LYPD6: variants seen among roughly 807,000 people sequenced by gnomAD.
The protein encoded by LYPD6 is ly6/PLAUR domain-containing protein 6.
Under a neutral mutation model 22.7 loss-of-function variants are expected in LYPD6, and 15 were observed. The observed-to-expected ratio is 0.66, with a 90% confidence interval of 0.44 to 1.02. LYPD6 has a LOEUF of 1.02. LYPD6 is among the 50% of genes least tolerant of loss of function. The probability of loss-of-function intolerance (pLI) is 0.00; values close to 1 mark genes in which losing one functional copy is unlikely to be tolerated. For missense variants in LYPD6, 189 were observed against 208.4 expected (o/e 0.91, Z 0.57); for synonymous variants, 72 against 77.5 (o/e 0.93, Z 0.37).
At chr2:149,350,970 G>T (rs558499498) in intron 1 of LYPD6, among the ~76,000 whole-genome samples, 1 of 152,332 alleles carries the variant, frequency 6.6e-6, no homozygotes, top group East Asian at 1.9e-4. Flanking sequence ...CGGTATACAG[G>T]ACTTTTTGAA....
chr2:149,383,573 T>C (rs1032716796), intron 1 of LYPD6, among the ~76,000 whole-genome samples: 3 of 152,150 alleles, frequency 2.0e-5, no homozygotes, highest in Non-Finnish European at 4.4e-5. Flanking sequence ...GAAACAGTAC[T>C]TGGAAATGGG....
intron 3 of LYPD6, among the ~76,000 whole-genome samples, chr2:149,450,017 G>A (rs1683772797): frequency 6.6e-6 from 1 of 152,160 alleles, no homozygotes; most frequent in Admixed American, 6.5e-5. Context: ...TCTTGTGGAG[G>A]ATTGGAAATT....
intron 1 of LYPD6, among the ~76,000 whole-genome samples, chr2:149,345,334 C>A (rs527959345): frequency 4.6e-4 from 61 of 133,436 alleles, no homozygotes; most frequent in African/African-American, 1.8e-3. Flanking sequence ...TGAGACGGAG[C>A]CTCGCTTTGT....
intron 3 of LYPD6, among the ~76,000 whole-genome samples, chr2:149,457,226 AT>A (rs1428163333): frequency 6.6e-6 from 1 of 152,198 alleles, no homozygotes; most frequent in Admixed American, 6.5e-5. Context: ...GTGTAGTATT[AT>A]TTCTCTTTTA....
At chr2:149,348,232 A>T (rs1681295877) in intron 1 of LYPD6, among the ~76,000 whole-genome samples, 2 of 152,246 alleles carry the variant, frequency 1.3e-5, no homozygotes, top group South Asian at 4.1e-4. Context: ...CTAGGGATAA[A>T]GCAGTGAACA....
chr2:149,341,406 C>A (rs1053816273), intron 1 of LYPD6, among the ~76,000 whole-genome samples: 8 of 152,152 alleles, frequency 5.3e-5, no homozygotes, highest in Non-Finnish European at 1.5e-5. Context: ...TTTGTAGTAA[C>A]ATATTCTTTG....
At position 149,472,848 on chromosome 2, in the gene LYPD6, G is replaced by A. The variant is rs1681373784; in HGVS notation, c.*1998G>A. ...TGTGGGATGATGTGGGATTGAAGAG[G>A]AAAGAAAGGTGGGATTATCCCCCTA... On this transcript the variant is annotated 3_prime_UTR_variant, in exon 5 of 5. Transcript: ENST00000334166. The A allele has an allele frequency of 6.6e-6, 1 of 152,542 alleles. No individual in the cohort carries two copies. The highest frequency in any genetic ancestry group is 6.6e-5 in the Admixed American group (1 of 15,264). The allele number at this position is 152,542 out of a possible 1,614,324, so 9.4% of individuals were successfully genotyped here.
intron 1 of LYPD6, among the ~76,000 whole-genome samples, chr2:149,388,212 A>G (rs1228733609): frequency 6.8e-6 from 1 of 148,044 alleles, no homozygotes; most frequent in African/African-American, 2.5e-5. Context: ...GTTGGTCTAC[A>G]GTGTCTGAAA....
At chr2:149,484,012 A>G in the LYPD6 span, among the ~76,000 whole-genome samples, 1 of 152,300 alleles carries the variant, frequency 6.6e-6, no homozygotes, top group Admixed American at 6.5e-5. Context: ...ATTTCTTCAC[A>G]TTGTGTTGAG....
chr2:149,357,647 C>T (rs1389260784), intron 1 of LYPD6, among the ~76,000 whole-genome samples: 1 of 152,106 alleles, frequency 6.6e-6, no homozygotes, highest in East Asian at 1.9e-4. Context: ...AATTTCTGCT[C>T]TTTGTTTTTG....
At chr2:149,476,481 G>T (rs1681451442), downstream of LYPD6, among the ~76,000 whole-genome samples, 1 of 152,150 alleles carries the variant, frequency 6.6e-6, no homozygotes, top group South Asian at 2.1e-4. Flanking sequence ...CCAAAACCGT[G>T]TGTTGTCTCT....
chr2:149,428,175 A>C (rs1423140416), intron 1 of LYPD6, among the ~76,000 whole-genome samples: 1 of 152,226 alleles, frequency 6.6e-6, no homozygotes, highest in East Asian at 1.9e-4. Flanking sequence ...TTTAGCTGAT[A>C]AGGCTTAAAG....
At chr2:149,371,492 AAG>A (rs1457003285) in intron 1 of LYPD6, among the ~76,000 whole-genome samples, 3 of 152,208 alleles carry the variant, frequency 2.0e-5, no homozygotes, top group Admixed American at 6.5e-5. Flanking sequence ...GTTTACCAAA[AAG>A]AGGATGGGAT....
chr2:149,402,845 G>A (rs984238469), intron 1 of LYPD6, among the ~76,000 whole-genome samples: 2 of 151,016 alleles, frequency 1.3e-5, no homozygotes, highest in African/African-American at 2.4e-5. Context: ...TCGTCATTTA[G>A]CATTAGGTAT....
Position 149,357,850 on chromosome 2 carries a change from A to T in LYPD6, c.-72+27128A>T, listed in dbSNP as rs1223388769. Among the ~76,000 whole-genome samples, 4 of 149,450 alleles carry T rather than the reference A, an allele frequency of 2.7e-5. No homozygotes were observed. The East Asian group carries it at 7.8e-4, about 29-fold the overall frequency. Reference sequence around the variant, plus strand: ...GCCCAGGCTGGAGTGCAGTGGCACAATTTCGGCTCATTTCAACCTCCACCT... The same window carrying T: ...GCCCAGGCTGGAGTGCAGTGGCACATTTTCGGCTCATTTCAACCTCCACCT... On this transcript the variant is annotated intron_variant, in intron 1 of 4. Coordinates refer to ENST00000334166, the MANE Select transcript of LYPD6 (RefSeq NM_194317.5).
intron 1 of LYPD6, among the ~76,000 whole-genome samples, chr2:149,399,324 T>G (rs1402966234): frequency 4.6e-5 from 7 of 152,358 alleles, no homozygotes; most frequent in Admixed American, 2.6e-4. Flanking sequence ...GAATGTCATT[T>G]ATGTTCATCA....
intron 1 of LYPD6, among the ~76,000 whole-genome samples, chr2:149,356,621 T>G (rs1308962460): frequency 6.6e-6 from 1 of 152,210 alleles, no homozygotes; most frequent in African/African-American, 2.4e-5. Context: ...GCAGATCTCT[T>G]CTGATCCTTT....
At chr2:149,401,524 G>A (rs938300294) in intron 1 of LYPD6, among the ~76,000 whole-genome samples, 4 of 152,180 alleles carry the variant, frequency 2.6e-5, no homozygotes, top group African/African-American at 7.2e-5. Flanking sequence ...TCCATTCTTC[G>A]AGCATTGATG....
intron 3 of LYPD6, among the ~76,000 whole-genome samples, chr2:149,468,160 C>T: frequency 6.8e-6 from 1 of 148,120 alleles, no homozygotes; most frequent in East Asian, 2.0e-4. Context: ...CACACACACA[C>T]ACACACACAC....
Sources: allele counts gnomAD v4.1 joint callset (sites outside exome capture counted in the v4.1 genomes callset), GRCh38; gene constraint gnomAD v4.1.1; transcripts MANE v1.5; gene names NCBI Gene and HGNC (gene_info 2026-07-23, HGNC 2026-07-21).